Variants in RAD51B observed in about 807,000 individuals in gnomAD.
RAD51B encodes the protein RAD51 paralog B.
Under a neutral mutation model 42.2 loss-of-function variants are expected in RAD51B, and 38 were observed. The ratio of observed to expected loss-of-function variants is 0.90; its 90% confidence interval spans 0.70 to 1.18. RAD51B has a LOEUF of 1.18. Ranked by LOEUF, RAD51B falls within the 50% of genes most tolerant of loss-of-function variation. RAD51B has a pLI of 0.00. For missense variants in RAD51B, 373 were observed against 400.7 expected, an observed-to-expected ratio of 0.93 and a Z score of 0.59; for synonymous variants, 154 against 145.2, an observed-to-expected ratio of 1.06 and a Z score of -0.43.
chr14:68,224,019 C>T (rs2079984868), intron 7 of RAD51B, among the ~76,000 whole-genome samples: 1 of 152,222 alleles, frequency 6.6e-6, no homozygotes, highest in Admixed American at 6.5e-5. Flanking sequence ...GAGAAACACA[C>T]ATGCACAGAC....
chr14:67,991,558 A>G (rs1209041271), intron 7 of RAD51B, among the ~76,000 whole-genome samples: 1 of 152,234 alleles, frequency 6.6e-6, no homozygotes, highest in Non-Finnish European at 1.5e-5. Context: ...CTGAACAGCC[A>G]TCTGAAAGAG....
rs775139411 is a variant in RAD51B, at chr14:68,358,255, C to CTG, written c.854-53167_854-53166dup. On this transcript the variant is annotated intron_variant, in intron 8 of 10. Transcript: ENST00000471583. ...GACACAGACATGAAGCAAGCACATG[C>CTG]TGTTGGAAAAAGGGTGTTGAAAGAC... 4.6e-5 allele frequency among the ~76,000 whole-genome samples: 7 copies of CTG among 152,296 alleles called. No homozygotes were observed. In the East Asian group the frequency reaches 7.7e-4, roughly 17 times the overall value.
At chr14:68,045,140 G>A (rs1013566428) in intron 7 of RAD51B, among the ~76,000 whole-genome samples, 5 of 149,156 alleles carry the variant, frequency 3.4e-5, no homozygotes, top group African/African-American at 1.2e-4. Context: ...GGAGGCTGAG[G>A]CAGGAGTATT....
chr14:68,595,144 C>T (rs1287576268), exon 11 of RAD51B: 5 of 1,066,526 alleles, frequency 4.7e-6, no homozygotes, highest in East Asian at 9.9e-5. Context: ...AGCGCTGGAA[C>T]GTTTATTCTC....
chr14:67,950,847 A>G (rs1321019970), intron 7 of RAD51B, among the ~76,000 whole-genome samples: 1 of 151,964 alleles, frequency 6.6e-6, no homozygotes, highest in Non-Finnish European at 1.5e-5. Flanking sequence ...AGAAATGTAG[A>G]GTTATTAAAT....
intron 7 of RAD51B, among the ~76,000 whole-genome samples, chr14:68,062,151 A>G (rs904949381): frequency 6.6e-6 from 1 of 152,154 alleles, no homozygotes; most frequent in African/African-American, 2.4e-5. Flanking sequence ...ATCTGTTGAG[A>G]TGATCTTTTT....
chr14:67,866,964 G>C (rs534111460), intron 5 of RAD51B, among the ~76,000 whole-genome samples: 1 of 152,136 alleles, frequency 6.6e-6, no homozygotes, highest in Non-Finnish European at 1.5e-5. Flanking sequence ...TGAGAATAGG[G>C]GTTGAACTTT....
intron 7 of RAD51B, among the ~76,000 whole-genome samples, chr14:68,188,290 C>G (rs551562202): frequency 1.4e-5 from 2 of 145,768 alleles, no homozygotes; most frequent in East Asian, 4.0e-4. Flanking sequence ...TTTCCTTCTT[C>G]CCTTCTTCCT....
At chr14:68,515,036 C>A (rs1178664168) in intron 10 of RAD51B, among the ~76,000 whole-genome samples, 1 of 152,154 alleles carries the variant, frequency 6.6e-6, no homozygotes, top group Non-Finnish European at 1.5e-5. Flanking sequence ...GGAGGTGTGC[C>A]TGGGAGCTGC....
At chr14:68,111,234 G>A (rs2077454621) in intron 7 of RAD51B, among the ~76,000 whole-genome samples, 1 of 151,986 alleles carries the variant, frequency 6.6e-6, no homozygotes, top group South Asian at 2.1e-4. Context: ...TTGTCGCCAG[G>A]AAACTAGAGA....
intron 8 of RAD51B, among the ~76,000 whole-genome samples, chr14:68,332,227 C>A (rs191588713): frequency 7.9e-5 from 12 of 152,226 alleles, no homozygotes; most frequent in Admixed American, 5.2e-4. Flanking sequence ...CCCACCCATC[C>A]CCCAAATATA....
intron 7 of RAD51B, among the ~76,000 whole-genome samples, chr14:68,171,158 T>C (rs536434689): frequency 1.3e-5 from 2 of 152,240 alleles, no homozygotes; most frequent in Non-Finnish European, 2.9e-5. Context: ...TTGAAGAATT[T>C]CTGACTTACT....
intron 8 of RAD51B, among the ~76,000 whole-genome samples, chr14:68,378,903 A>T (rs988718283): frequency 3.3e-5 from 5 of 152,216 alleles, no homozygotes; most frequent in Non-Finnish European, 1.5e-5. Context: ...TGATGTAGGT[A>T]GCATGATCCC....
intron 7 of RAD51B, among the ~76,000 whole-genome samples, chr14:68,060,146 G>A (rs552056842): frequency 6.6e-6 from 1 of 152,234 alleles, no homozygotes; most frequent in South Asian, 2.1e-4. Flanking sequence ...TTAAAATGAG[G>A]TGACTGGAGT....
chr14:68,067,472 A>C (rs1295813602), intron 7 of RAD51B, among the ~76,000 whole-genome samples: 3 of 150,392 alleles, frequency 2.0e-5, no homozygotes, highest in African/African-American at 7.4e-5. Context: ...TCGGAAAAAA[A>C]AAAACAAAAA....
At chr14:68,029,497 T>C (rs1043598543) in intron 7 of RAD51B, among the ~76,000 whole-genome samples, 5 of 152,224 alleles carry the variant, frequency 3.3e-5, no homozygotes. Context: ...CCATAAGAAA[T>C]AAATGCTTTT....
intron 7 of RAD51B, among the ~76,000 whole-genome samples, chr14:68,142,656 G>A (rs566400861): frequency 1.1e-4 from 17 of 152,210 alleles, no homozygotes; most frequent in South Asian, 4.2e-4. Context: ...CAGCATGATC[G>A]TCATGATTTA....
intron 7 of RAD51B, among the ~76,000 whole-genome samples, chr14:68,023,527 A>G (rs1247929299): frequency 6.6e-6 from 1 of 152,058 alleles, no homozygotes; most frequent in Non-Finnish European, 1.5e-5. Flanking sequence ...GGGTTTCACC[A>G]TGTTGTCCAG....
intron 7 of RAD51B, among the ~76,000 whole-genome samples, chr14:68,103,919 G>C (rs568789446): frequency 6.6e-6 from 1 of 152,312 alleles, no homozygotes; most frequent in South Asian, 2.1e-4. Flanking sequence ...CCTATTAGAA[G>C]CACTAGTTGG....
Sources: gnomAD v4.1 joint callset for allele counts (sites outside exome capture counted in the v4.1 genomes callset) on GRCh38, gnomAD v4.1.1 for gene constraint, MANE v1.5 for transcripts, NCBI Gene and HGNC (gene_info 2026-07-23, HGNC 2026-07-21) for gene names.